TRPC6: variants seen among roughly 807,000 people sequenced by gnomAD.
TRPC6 encodes the protein transient receptor potential cation channel subfamily C member 6, also known as short transient receptor potential channel 6.
TRPC6 carries 55 observed loss-of-function variants against 90.7 expected under a neutral mutation model. The ratio of observed to expected loss-of-function variants is 0.61; its 90% CI spans 0.49 to 0.76. The LOEUF is 0.76. TRPC6 is among the 30% of genes least tolerant of loss of function. TRPC6 has a pLI of 0.00. For missense variants in TRPC6, 989 were observed against 1,122.7 expected (o/e 0.88, Z 1.70); for synonymous variants, 393 against 393.0 (o/e 1.00, Z 0.00).
intron 5 of TRPC6, among the ~76,000 whole-genome samples, chr11:101,481,023 A>T (rs1859538660): frequency 6.6e-6 from 1 of 152,238 alleles, no homozygotes; most frequent in African/African-American, 2.4e-5. Context: ...TCCCTAAAAC[A>T]TATTCAGGAA....
chr11:101,492,208 T>A (rs1859843679), intron 2 of TRPC6, among the ~76,000 whole-genome samples: 3 of 152,104 alleles, frequency 2.0e-5, no homozygotes. Context: ...CTGACTGACC[T>A]CTAAAATATT....
At chr11:101,459,339 G>T (rs1040625558) in intron 10 of TRPC6, among the ~76,000 whole-genome samples, 1 of 152,176 alleles carries the variant, frequency 6.6e-6, no homozygotes, top group African/African-American at 2.4e-5. Flanking sequence ...GGGAAAGTCA[G>T]TCAGCCCAAC....
At chr11:101,520,550 G>A (rs1251142743) in intron 1 of TRPC6, among the ~76,000 whole-genome samples, 2 of 152,154 alleles carry the variant, frequency 1.3e-5, no homozygotes, top group Non-Finnish European at 2.9e-5. Context: ...GAAGAAGACA[G>A]GAAGATAAGG....
At chr11:101,476,194 C>A in intron 6 of TRPC6, 107 bp downstream of exon 6, 2 of 925,990 alleles carry the variant, frequency 2.2e-6, no homozygotes, top group Non-Finnish European at 1.7e-6. Flanking sequence ...ATGTTGGAAA[C>A]TCACAAACAA....
chr11:101,485,893 A>C (rs887373344), intron 4 of TRPC6, among the ~76,000 whole-genome samples: 2 of 152,122 alleles, frequency 1.3e-5, no homozygotes, highest in African/African-American at 4.8e-5. Context: ...GTCAATCTTC[A>C]ATTTTCGGGG....
intron 1 of TRPC6, among the ~76,000 whole-genome samples, chr11:101,568,872 A>G (rs1268978288): frequency 6.6e-6 from 1 of 152,210 alleles, no homozygotes; most frequent in Non-Finnish European, 1.5e-5. Flanking sequence ...AACACTCAAC[A>G]TGGAAAGAAA....
chr11:101,559,822 C>G (rs1861676414), intron 1 of TRPC6, among the ~76,000 whole-genome samples: 2 of 127,440 alleles, frequency 1.6e-5, no homozygotes, highest in South Asian at 5.2e-4. Context: ...GTGTGATGTT[C>G]CCCTTCCTGT....
intron 6 of TRPC6, among the ~76,000 whole-genome samples, chr11:101,475,572 C>T (rs1389007590): frequency 1.3e-5 from 2 of 152,066 alleles, no homozygotes; most frequent in Non-Finnish European, 2.9e-5. Context: ...TTAGAACTTA[C>T]TCATCCTATC....
At chr11:101,577,710 T>C (rs773773314) in intron 1 of TRPC6, among the ~76,000 whole-genome samples, 5 of 152,086 alleles carry the variant, frequency 3.3e-5, no homozygotes, top group Non-Finnish European at 7.4e-5. Flanking sequence ...CCCAGGAGAC[T>C]CCATAAATGA....
intron 10 of TRPC6, among the ~76,000 whole-genome samples, chr11:101,466,661 C>T (rs910180479): frequency 6.6e-6 from 1 of 152,232 alleles, no homozygotes; most frequent in Non-Finnish European, 1.5e-5. Flanking sequence ...GTGGGACCCA[C>T]CGAGCCAGAC....
rs200424891 is a variant in TRPC6, at chr11:101,452,041, C to G, written c.*914G>C. The G allele has an allele frequency of 2.0e-5, 3 of 152,148 alleles. No individual in the cohort carries two copies. The highest frequency in any genetic ancestry group is 4.4e-5 in the Non-Finnish European group (3 of 68,022). 9.4% of individuals were successfully genotyped at this position (152,148 alleles called of 1,614,324 possible). A position where few individuals can be genotyped will look rare whatever the true frequency, so the allele number is the denominator to read the frequency against. On this transcript the variant is annotated 3_prime_UTR_variant, in exon 13 of 13. Transcript: ENST00000344327. The stretch of plus-strand genomic sequence containing the variant: ...TCACCTTATTTTTCCCCTTTACATT[C>G]AATGGCTAAGTGTGGGGATTCATCT...
chr11:101,470,221 T>C (rs901626452), intron 9 of TRPC6, among the ~76,000 whole-genome samples: 1 of 152,242 alleles, frequency 6.6e-6, no homozygotes, highest in Non-Finnish European at 1.5e-5. Context: ...GCAGATTTTC[T>C]TATTAAAAGT....
rs1862246659 is a variant in TRPC6 at position 101,583,368 on chromosome 11, C to T, written c.136G>A (p.Ala46Thr). The change falls in exon 1 of 13, where the codon GCC becomes ACC. Residue 46 changes from alanine (A) to threonine (T), a missense_variant. This residue lies in a region of TRPC6 where 194 missense variants were observed against 136.5 expected (regional missense o/e 1.42). Coordinates refer to ENST00000344327, the MANE Select transcript of TRPC6 (RefSeq NM_004621.6). ...SELGEDGCPQ[A>T]PLPCYGYYPC... is the part of the protein sequence containing the mutation. ...TAGTAGCCGTAGCAAGGCAGCGGGGCTTGCGGGCAGCCGTCTTCTCCCAGC... is the reference window on the plus strand; with the variant it reads ...TAGTAGCCGTAGCAAGGCAGCGGGGTTTGCGGGCAGCCGTCTTCTCCCAGC... 3.1e-6 allele frequency: 5 copies of T among 1,594,614 alleles called. No individual in the cohort carries two copies. Among genetic ancestry groups the T allele is most frequent in the Non-Finnish European group, 4.3e-6 (5 of 1,170,942 alleles).
rs567040517 is a variant in TRPC6, at chr11:101,470,205, T to C, written c.2410-704A>G. On this transcript the variant is annotated intron_variant, in intron 9 of 12. Transcript: ENST00000344327. ...TACTTCTAAAGGCAGCCCATTCTTC[T>C]GTTGGGCAGATTTTCTTATTAAAAG... Among the ~76,000 whole-genome samples the C allele has an allele frequency of 2.6e-5, 4 of 152,356 alleles. No individual in the cohort carries two copies. The South Asian group carries it at 8.3e-4, about 32-fold the overall frequency.
chr11:101,518,572 G>C (rs1444657286), intron 1 of TRPC6, among the ~76,000 whole-genome samples: 3 of 152,154 alleles, frequency 2.0e-5, no homozygotes, highest in Non-Finnish European at 4.4e-5. Context: ...GTGAAGAAAA[G>C]GAAACCCTTG....
chr11:101,544,414 T>A (rs759421028), intron 1 of TRPC6, among the ~76,000 whole-genome samples: 25 of 152,166 alleles, frequency 1.6e-4, no homozygotes, highest in Non-Finnish European at 2.2e-4. Flanking sequence ...CATTCTACTC[T>A]AAAGACACAT....
At chr11:101,563,376 T>C (rs1407313039) in intron 1 of TRPC6, among the ~76,000 whole-genome samples, 2 of 152,294 alleles carry the variant, frequency 1.3e-5, no homozygotes, top group East Asian at 3.9e-4. Context: ...CTGAGGATGC[T>C]TGCATGTGTA....
At chr11:101,466,073 C>T (rs904215921) in intron 10 of TRPC6, among the ~76,000 whole-genome samples, 2 of 152,154 alleles carry the variant, frequency 1.3e-5, no homozygotes, top group African/African-American at 4.8e-5. Flanking sequence ...CCACTCCAGA[C>T]CCTGTTTGCC....
intron 1 of TRPC6, among the ~76,000 whole-genome samples, chr11:101,559,627 T>C (rs1316711238): frequency 7.8e-6 from 1 of 128,816 alleles, no homozygotes; most frequent in African/African-American, 3.3e-5. Flanking sequence ...TCCACTATAA[T>C]GTCTTTTCTT....
Sources: allele counts gnomAD v4.1 joint callset (sites outside exome capture counted in the v4.1 genomes callset), GRCh38; gene constraint gnomAD v4.1.1; regional missense constraint gnomAD v4.1.1; transcripts MANE v1.5; gene names NCBI Gene and HGNC (gene_info 2026-07-23, HGNC 2026-07-21).